PRKCE: variants seen among roughly 807,000 people sequenced by gnomAD.
PRKCE encodes the protein protein kinase C epsilon type.
In PRKCE, 16 loss-of-function variants were observed where a neutral mutation model predicts 85.4. That is an observed-to-expected ratio of 0.19 (90% CI 0.13 to 0.28). The LOEUF is 0.28. Among genes scored for constraint, PRKCE ranks in the 10% least tolerant of loss-of-function variants. The pLI, the probability that PRKCE is intolerant of heterozygous loss-of-function variation, is 1.00. For missense variants in PRKCE, 573 were observed against 975.2 expected (o/e 0.59, Z 5.49); for synonymous variants, 388 against 371.5 (o/e 1.04, Z -0.51).
At chr2:45,964,040 G>T (rs1701567719) in intron 2 of PRKCE, among the ~76,000 whole-genome samples, 1 of 152,240 alleles carries the variant, frequency 6.6e-6, no homozygotes, top group Non-Finnish European at 1.5e-5. Flanking sequence ...CTGACTGGGT[G>T]ATGTGGAATG....
chr2:45,796,951 T>C (rs2105144137), intron 1 of PRKCE, among the ~76,000 whole-genome samples: 1 of 152,206 alleles, frequency 6.6e-6, no homozygotes, highest in South Asian at 2.1e-4. Flanking sequence ...ATGTTATAGA[T>C]AAAGAGCTCA....
chr2:45,866,280 T>C (rs1215140026), intron 2 of PRKCE, among the ~76,000 whole-genome samples: 1 of 152,100 alleles, frequency 6.6e-6, no homozygotes, highest in East Asian at 1.9e-4. Context: ...GATTTTCTTT[T>C]TATTTATTTA....
chr2:45,807,796 T>A (rs1451451541), intron 1 of PRKCE, among the ~76,000 whole-genome samples: 1 of 152,076 alleles, frequency 6.6e-6, no homozygotes, highest in African/African-American at 2.4e-5. Context: ...CAGCAATCTC[T>A]GCTTTACCAA....
chr2:45,854,303 G>C (rs1692506137), intron 2 of PRKCE, among the ~76,000 whole-genome samples: 1 of 152,158 alleles, frequency 6.6e-6, no homozygotes. Flanking sequence ...GGGGCCTCTT[G>C]GTCCAGTGGG....
chr2:46,166,044 A>T (rs1558521357), intron 14 of PRKCE, among the ~76,000 whole-genome samples: 1 of 152,148 alleles, frequency 6.6e-6, no homozygotes, highest in Non-Finnish European at 1.5e-5. Context: ...GCCCCTCTCA[A>T]CCTCATGATC....
chr2:46,121,499 C>G (rs1335687779), intron 11 of PRKCE, among the ~76,000 whole-genome samples: 1 of 152,204 alleles, frequency 6.6e-6, no homozygotes, highest in Non-Finnish European at 1.5e-5. Flanking sequence ...CTGCAACTCC[C>G]TGCCCAGTCT....
At chr2:46,008,731 G>C (rs1705412783) in intron 9 of PRKCE, among the ~76,000 whole-genome samples, 1 of 152,188 alleles carries the variant, frequency 6.6e-6, no homozygotes, top group Admixed American at 6.5e-5. Flanking sequence ...ATTCTTTAGA[G>C]ACTGACTAAA....
In PRKCE at chr2:45,893,946, C is replaced by G. The variant is rs998289906; in HGVS notation, c.412+50883C>G. On this transcript the variant is annotated intron_variant, in intron 2 of 14. Transcript: ENST00000306156. ...GCCACAATCCTAGCCTCTCTGTTTC[C>G]GGGCAAGGGACTTCTAACTTAGGTC... is the stretch of plus-strand genomic sequence containing the variant. Among the ~76,000 whole-genome samples, 4 of 152,074 alleles carry G rather than the reference C, an allele frequency of 2.6e-5. No individual in the cohort carries two copies. In the East Asian group the frequency reaches 7.7e-4, roughly 29 times the overall value.
intron 2 of PRKCE, among the ~76,000 whole-genome samples, chr2:45,934,235 T>A (rs1699270764): frequency 6.6e-6 from 1 of 152,250 alleles, no homozygotes; most frequent in Non-Finnish European, 1.5e-5. Flanking sequence ...CACTTGTATT[T>A]GTTCTTATTG....
intron 1 of PRKCE, among the ~76,000 whole-genome samples, chr2:45,757,302 C>T (rs145398309): frequency 2.6e-4 from 17 of 65,056 alleles, no homozygotes; most frequent in Non-Finnish European, 3.8e-4. Flanking sequence ...GTGAGACTGT[C>T]TCCAAAAAAA....
chr2:45,820,644 G>A (rs1689455104), intron 1 of PRKCE, among the ~76,000 whole-genome samples: 2 of 152,168 alleles, frequency 1.3e-5, no homozygotes, highest in Admixed American at 1.3e-4. Flanking sequence ...AGGTCCTTAG[G>A]AGGCCTTTTG....
chr2:45,676,634 C>T (rs981165339), intron 1 of PRKCE: 3 of 152,166 alleles, frequency 2.0e-5, no homozygotes, highest in Non-Finnish European at 4.4e-5. Context: ...TACATATTGC[C>T]CCATTGTGAT....
chr2:46,034,465 C>T (rs1707730640), intron 10 of PRKCE, among the ~76,000 whole-genome samples: 1 of 152,222 alleles, frequency 6.6e-6, no homozygotes. Flanking sequence ...GGAGTATCTT[C>T]CATTCCAACT....
intron 1 of PRKCE, among the ~76,000 whole-genome samples, chr2:45,677,313 A>T (rs1261292907): frequency 3.4e-5 from 5 of 145,922 alleles, no homozygotes; most frequent in African/African-American, 7.6e-5. Context: ...TGGAGGAGCC[A>T]GTGAAGGTTT....
chr2:45,987,536 C>A (rs1703434371), intron 6 of PRKCE, among the ~76,000 whole-genome samples: 1 of 152,066 alleles, frequency 6.6e-6, no homozygotes, highest in African/African-American at 2.4e-5. Context: ...AGGTTCACAG[C>A]AAAATTGAGC....
chr2:45,668,442 T>G (rs1449617600), intron 1 of PRKCE, among the ~76,000 whole-genome samples: 2 of 152,152 alleles, frequency 1.3e-5, no homozygotes, highest in Non-Finnish European at 2.9e-5. Context: ...GAAGAATCCA[T>G]TTGGTTTATA....
intron 10 of PRKCE, among the ~76,000 whole-genome samples, chr2:46,026,449 CTT>C (rs945413438): frequency 1.6e-4 from 24 of 152,078 alleles, no homozygotes; most frequent in African/African-American, 5.3e-4. Flanking sequence ...GAAATGTTAC[CTT>C]TTTGGAAGAT....
intron 10 of PRKCE, among the ~76,000 whole-genome samples, chr2:46,025,706 C>T (rs988087252): frequency 6.6e-6 from 1 of 152,188 alleles, no homozygotes; most frequent in African/African-American, 2.4e-5. Flanking sequence ...GTTCCACCTA[C>T]CCCACAGGAG....
chr2:45,919,279 T>G (rs1698072629), intron 2 of PRKCE, among the ~76,000 whole-genome samples: 1 of 152,154 alleles, frequency 6.6e-6, no homozygotes, highest in African/African-American at 2.4e-5. Flanking sequence ...CTGTGGAGCT[T>G]GGAAACCAGG....
Sources: allele counts gnomAD v4.1 joint callset (sites outside exome capture counted in the v4.1 genomes callset), GRCh38; gene constraint gnomAD v4.1.1; transcripts MANE v1.5; gene names NCBI Gene and HGNC (gene_info 2026-07-23, HGNC 2026-07-21).